Variants in PPP2CA observed in about 807,000 individuals in gnomAD.
PPP2CA encodes protein phosphatase 2 catalytic subunit alpha.
Under a neutral mutation model 38.8 loss-of-function variants are expected in PPP2CA, and 5 were observed. That is an observed-to-expected ratio of 0.13 (90% CI 0.07 to 0.27). PPP2CA has a LOEUF of 0.27. PPP2CA is among the 10% of genes least tolerant of loss of function. The pLI, the probability that PPP2CA is intolerant of heterozygous loss-of-function variation, is 1.00. For synonymous variants in PPP2CA, 152 were observed against 134.0 expected, an observed-to-expected ratio of 1.13 and a Z score of -0.93; for missense variants, 88 against 389.7, an observed-to-expected ratio of 0.23 and a Z score of 6.52.
At chr5:134,214,303 C>T (rs925298318) in intron 1 of PPP2CA, among the ~76,000 whole-genome samples, 1 of 152,126 alleles carries the variant, frequency 6.6e-6, no homozygotes, top group African/African-American at 2.4e-5. Context: ...CATTTTGTGT[C>T]CTAAAGTTTC....
chr5:134,204,412 T>C (rs1421899436), intron 2 of PPP2CA, among the ~76,000 whole-genome samples: 4 of 152,264 alleles, frequency 2.6e-5, no homozygotes, highest in Non-Finnish European at 5.9e-5. Flanking sequence ...TGGCATGTAA[T>C]GCATGTAATT....
intron 1 of PPP2CA, among the ~76,000 whole-genome samples, chr5:134,221,987 AG>A (rs1415186181): frequency 4.3e-4 from 64 of 148,518 alleles, no homozygotes; most frequent in African/African-American, 1.6e-3. Flanking sequence ...AAAAAAAAAA[AG>A]TTTTATTTTA....
chr5:134,215,097 CT>C (rs10715226), intron 1 of PPP2CA, among the ~76,000 whole-genome samples: 99,110 of 124,448 alleles, frequency 0.8, 39,258 homozygotes, highest in Middle Eastern at 0.89. Flanking sequence ...TATTTATTTA[CT>C]TTTTTTTTTT....
chr5:134,213,144 T>C (rs1004817809), intron 1 of PPP2CA, among the ~76,000 whole-genome samples: 1 of 152,196 alleles, frequency 6.6e-6, no homozygotes, highest in Non-Finnish European at 1.5e-5. Context: ...CACTTAGGAC[T>C]TTACTAGCTA....
In PPP2CA at chr5:134,217,168, T is replaced by A. The variant is rs915961680; in HGVS notation, c.102+8592A>T. Among the ~76,000 whole-genome samples the A allele has an allele frequency of 5.3e-5, 8 of 151,986 alleles. 1 individual carries two copies. The highest frequency in any genetic ancestry group is 1.5e-5 in the Non-Finnish European group (1 of 68,016). On this transcript the variant is annotated intron_variant, in intron 1 of 6. Transcript: ENST00000481195. ...GGTGGCGCATGCCTGTAATCCCAGC[T>A]ACCCGGGAGGCTGGGGCAGGAGAAT...
At chr5:134,205,407 A>T (rs1306236898) in intron 2 of PPP2CA, among the ~76,000 whole-genome samples, 1 of 148,842 alleles carries the variant, frequency 6.7e-6, no homozygotes, top group Admixed American at 6.7e-5. Context: ...TTTTTGAGAC[A>T]GTCTCGCTCT....
chr5:134,197,892 A>T, intron 6 of PPP2CA, 48 bp from the exon 7 acceptor site: 1 of 1,492,620 alleles, frequency 6.7e-7, no homozygotes, highest in Non-Finnish European at 9.3e-7. Context: ...ACCTCCATGT[A>T]GTGACAATCA....
intron 1 of PPP2CA, among the ~76,000 whole-genome samples, chr5:134,214,677 T>C (rs887048549): frequency 2.6e-5 from 4 of 152,244 alleles, no homozygotes; most frequent in African/African-American, 7.2e-5. Flanking sequence ...TGAATATTTT[T>C]GAACATCTGA....
intron 1 of PPP2CA, chr5:134,225,470 A>G (rs1188006174): frequency 5.6e-6 from 2 of 356,224 alleles, no homozygotes; most frequent in Non-Finnish European, 1.0e-5. Context: ...GATGACCCAC[A>G]GGGTCTCCGC....
rs1473099757 is a variant in PPP2CA, at chr5:134,195,780, A to T, written c.*1992T>A. On this transcript the variant is annotated 3_prime_UTR_variant, in exon 7 of 7. Coordinates refer to ENST00000481195, the MANE Select transcript of PPP2CA (RefSeq NM_002715.4). Reference sequence around the variant, plus strand: ...GCCCGGTCAGTCTCTATAATTAAACAATTATTTTAAACCCTAGTTATGCTA... The same window carrying T: ...GCCCGGTCAGTCTCTATAATTAAACTATTATTTTAAACCCTAGTTATGCTA... 2.6e-5 allele frequency: 4 copies of T among 152,244 alleles called. No homozygotes were observed. The East Asian group carries it at 7.7e-4, about 29-fold the overall frequency. The allele number at this position is 152,244 out of a possible 1,614,324, so 9.4% of individuals were successfully genotyped here.
intron 2 of PPP2CA, among the ~76,000 whole-genome samples, chr5:134,203,260 T>C (rs1409958005): frequency 6.6e-6 from 1 of 152,238 alleles, no homozygotes; most frequent in Non-Finnish European, 1.5e-5. Flanking sequence ...TCTGATTTAT[T>C]CTAGAAGTTT....
intron 1 of PPP2CA, among the ~76,000 whole-genome samples, chr5:134,219,041 T>C (rs1187166176): frequency 6.6e-6 from 1 of 152,228 alleles, no homozygotes; most frequent in Non-Finnish European, 1.5e-5. Flanking sequence ...TTAAGCCTAT[T>C]TTATTAAGTA....
At chr5:134,221,596 GAAT>G (rs778813645) in intron 1 of PPP2CA, among the ~76,000 whole-genome samples, 2 of 152,032 alleles carry the variant, frequency 1.3e-5, no homozygotes, top group Non-Finnish European at 2.9e-5. Context: ...ATCCAAAACT[GAAT>G]AATAATTACT....
At chr5:134,200,168 TA>T (rs1287244285) in intron 5 of PPP2CA, among the ~76,000 whole-genome samples, 166 bp downstream of exon 5, 2 of 152,256 alleles carry the variant, frequency 1.3e-5, no homozygotes, top group African/African-American at 4.8e-5. Context: ...CTTGAGCTTT[TA>T]ATTCTAGTAG....
Position 134,195,709 on chromosome 5 carries a change from T to C in PPP2CA, c.*2063A>G, listed in dbSNP as rs1761833756. On this transcript the variant is annotated 3_prime_UTR_variant, in exon 7 of 7. Transcript: ENST00000481195. ...CACATTTTCCTTACCATAGCCATTTTCAAAAGAAGGTAGGGTACTAACACT... is the reference window on the plus strand; with the variant it reads ...CACATTTTCCTTACCATAGCCATTTCCAAAAGAAGGTAGGGTACTAACACT... 6.6e-6 allele frequency: 1 copy of C among 152,256 alleles called. No homozygotes were observed. Among genetic ancestry groups the C allele is most frequent in the African/African-American group, 2.4e-5 (1 of 41,466 alleles). The allele number at this position is 152,256 out of a possible 1,614,324, so 9.4% of individuals were successfully genotyped here.
chr5:134,225,556 G>A (rs775257596), intron 1 of PPP2CA: 8 of 492,316 alleles, frequency 1.6e-5, no homozygotes, highest in Non-Finnish European at 2.5e-5. Flanking sequence ...CGCCATTTTA[G>A]GCGGCGGCGG....
At chr5:134,219,517 T>A (rs1762391621) in intron 1 of PPP2CA, among the ~76,000 whole-genome samples, 1 of 152,126 alleles carries the variant, frequency 6.6e-6, no homozygotes, top group Non-Finnish European at 1.5e-5. Context: ...AAAATCCCCA[T>A]CTGTAGTAGC....
chr5:134,209,803 T>C (rs1361983685), intron 1 of PPP2CA, among the ~76,000 whole-genome samples: 1 of 150,628 alleles, frequency 6.6e-6, no homozygotes, highest in African/African-American at 2.4e-5. Context: ...TTTTGGCGAG[T>C]GCAGCGGCTC....
At chr5:134,225,654 G>C in intron 1 of PPP2CA, 106 bp downstream of exon 1, 1 of 988,512 alleles carries the variant, frequency 1.0e-6, no homozygotes. Flanking sequence ...GGAGACTCGG[G>C]GGGCCCGGAC....
Sources: allele counts gnomAD v4.1 joint callset (sites outside exome capture counted in the v4.1 genomes callset), GRCh38; gene constraint gnomAD v4.1.1; transcripts MANE v1.5; gene names NCBI Gene and HGNC (gene_info 2026-07-23, HGNC 2026-07-21).